POC1B: variants seen among roughly 807,000 people sequenced by gnomAD.
POC1B encodes the protein POC1 centriolar protein homolog B.
A neutral mutation model predicts 60.6 loss-of-function variants in POC1B; 44 were observed. The observed-to-expected ratio is 0.73, with a 90% confidence interval of 0.57 to 0.93. The LOEUF (loss-of-function observed/expected upper bound fraction) is 0.93, where lower values mean the gene tolerates loss of function less well. Ranked by LOEUF, POC1B falls within the 40% of genes least tolerant of loss-of-function variation. The probability of loss-of-function intolerance (pLI) is 0.00; values close to 1 mark genes in which losing one functional copy is unlikely to be tolerated. For missense variants in POC1B, 555 were observed against 572.3 expected (o/e 0.97, Z 0.31); for synonymous variants, 180 against 198.9 (o/e 0.90, Z 0.80).
the POC1B span, among the ~76,000 whole-genome samples, chr12:89,411,197 A>G: frequency 2.0e-5 from 3 of 152,222 alleles, no homozygotes; most frequent in Non-Finnish European, 4.4e-5. Context: ...CATACTGCCT[A>G]AAGTAATTTA....
the POC1B span, among the ~76,000 whole-genome samples, chr12:89,410,678 CAAAAAA>C: frequency 2.2e-5 from 3 of 134,902 alleles, no homozygotes; most frequent in Admixed American, 7.6e-5. Context: ...GACTCCGTCT[CAAAAAA>C]AAAAAAAAGG....
chr12:89,499,899 C>T (rs1369531166), intron 2 of POC1B, among the ~76,000 whole-genome samples: 1 of 152,270 alleles, frequency 6.6e-6, no homozygotes, highest in African/African-American at 2.4e-5. Flanking sequence ...GAGGGCAGAG[C>T]CAATGGCCGG....
At chr12:89,487,362 C>T (rs960366755) in intron 4 of POC1B, among the ~76,000 whole-genome samples, 1 of 152,184 alleles carries the variant, frequency 6.6e-6, no homozygotes, top group African/African-American at 2.4e-5. Context: ...AGAGTTCCAC[C>T]ATCGTTTTCT....
At chr12:89,490,489 C>T (rs1422400365) in intron 4 of POC1B, among the ~76,000 whole-genome samples, 2 of 152,144 alleles carry the variant, frequency 1.3e-5, no homozygotes, top group African/African-American at 4.8e-5. Context: ...GGACTACAGG[C>T]ACCTGCCACC....
intron 10 of POC1B, among the ~76,000 whole-genome samples, chr12:89,444,861 C>T (rs909121402): frequency 5.3e-5 from 8 of 152,132 alleles, no homozygotes; most frequent in South Asian, 2.1e-4. Context: ...AAAACCCCAT[C>T]GTCTCAGCCC....
intron 2 of POC1B, among the ~76,000 whole-genome samples, chr12:89,515,792 C>T (rs1471818554): frequency 6.6e-6 from 1 of 152,200 alleles, no homozygotes; most frequent in Non-Finnish European, 1.5e-5. Flanking sequence ...CCCATGTTCT[C>T]ATCCAGACCC....
chr12:89,416,657 A>T (rs1880371710), downstream of POC1B, among the ~76,000 whole-genome samples: 1 of 152,220 alleles, frequency 6.6e-6, no homozygotes, highest in South Asian at 2.1e-4. Flanking sequence ...ACCCTGCCCT[A>T]GTTCATTGCT....
chr12:89,470,333 T>G lies in POC1B; in HGVS notation c.810+28A>C, dbSNP rs543827961. On this transcript the variant is annotated intron_variant, in intron 7 of 11. Coordinates refer to ENST00000313546, the MANE Select transcript of POC1B (RefSeq NM_172240.3). ...ATATATTATTTTATATTTTTATATA[T>G]AAAAAGCAAGAATCTGAGTGTTAAT... The G allele has an allele frequency of 4.0e-6, 5 of 1,258,646 alleles. No individual in the cohort carries two copies. In the South Asian group the frequency reaches 1.3e-4, roughly 32 times the overall value. 78.0% of individuals were successfully genotyped at this position (1,258,646 alleles called of 1,614,324 possible). A position where few individuals can be genotyped will look rare whatever the true frequency, so the allele number is the denominator to read the frequency against.
chr12:89,503,451 A>T (rs1441596687), intron 2 of POC1B, among the ~76,000 whole-genome samples: 1 of 152,142 alleles, frequency 6.6e-6, no homozygotes, highest in African/African-American at 2.4e-5. Context: ...CAGTGGCATG[A>T]TCTCAGCTAG....
At position 89,526,009 on chromosome 12, in the gene POC1B, G is replaced by T. The variant is rs1188926339; in HGVS notation, c.-114C>A. On this transcript the variant is annotated 5_prime_UTR_variant, in exon 1 of 12. Transcript: ENST00000313546. ...CTCCCGGAACCGTCTGCCCAGAGCG[G>T]CAGCGCCTCCCGGTCACTACAACAA... The T allele has an allele frequency of 1.3e-6, 2 of 1,540,154 alleles. No homozygotes were observed. The highest frequency in any genetic ancestry group is 2.5e-5 in the East Asian group (1 of 40,788).
At chr12:89,448,107 A>G (rs1466417780) in intron 10 of POC1B, among the ~76,000 whole-genome samples, 2 of 152,050 alleles carry the variant, frequency 1.3e-5, no homozygotes, top group East Asian at 3.9e-4. Flanking sequence ...CAACCCAACT[A>G]ACTGAGGATA....
chr12:89,506,041 T>C (rs904302901), intron 2 of POC1B, among the ~76,000 whole-genome samples: 2 of 152,056 alleles, frequency 1.3e-5, no homozygotes, highest in Admixed American at 6.5e-5. Flanking sequence ...GAAAAGGAGA[T>C]CTGAAGTGAT....
chr12:89,441,978 A>G (rs1881545107), intron 10 of POC1B, among the ~76,000 whole-genome samples: 2 of 152,246 alleles, frequency 1.3e-5, no homozygotes, highest in Non-Finnish European at 2.9e-5. Flanking sequence ...AAGCTTCAGT[A>G]GCTGATTCAA....
intron 4 of POC1B, among the ~76,000 whole-genome samples, chr12:89,475,570 A>G (rs1199045583): frequency 6.6e-6 from 1 of 152,218 alleles, no homozygotes; most frequent in East Asian, 1.9e-4. Flanking sequence ...TAGCACCAAT[A>G]AAACAGGCTT....
intron 10 of POC1B, among the ~76,000 whole-genome samples, chr12:89,440,061 C>A (rs1881447673): frequency 6.6e-6 from 1 of 152,194 alleles, no homozygotes; most frequent in Non-Finnish European, 1.5e-5. Context: ...CATCCCCCAT[C>A]CCCAGCTCCT....
chr12:89,523,034 C>T (rs2230283), intron 2 of POC1B: 511,982 of 1,613,338 alleles, frequency 0.32, 84,836 homozygotes, highest in Non-Finnish European at 0.35. Flanking sequence ...TGCTCAGGTA[C>T]CTCTGCACAT....
chr12:89,523,449 C>T (rs775817668), intron 2 of POC1B: 1 of 1,614,066 alleles, frequency 6.2e-7, no homozygotes, highest in African/African-American at 1.3e-5. Context: ...CATATGGTGC[C>T]CGCTTGGGGA....
At chr12:89,451,525 A>G (rs941417144) in intron 10 of POC1B, among the ~76,000 whole-genome samples, 4 of 152,324 alleles carry the variant, frequency 2.6e-5, no homozygotes, top group Admixed American at 6.5e-5. Context: ...TTTATGTTTC[A>G]GGATATATGA....
At chr12:89,409,184 G>A in the POC1B span, among the ~76,000 whole-genome samples, 2 of 152,292 alleles carry the variant, frequency 1.3e-5, no homozygotes, top group Admixed American at 1.3e-4. Flanking sequence ...TTTCAGTCAT[G>A]AAGTCTTTGC....
Sources: allele counts gnomAD v4.1 joint callset (sites outside exome capture counted in the v4.1 genomes callset), GRCh38; gene constraint gnomAD v4.1.1; transcripts MANE v1.5; gene names NCBI Gene and HGNC (gene_info 2026-07-23, HGNC 2026-07-21).